Variants in G3BP1 observed in about 807,000 individuals in gnomAD.
The protein encoded by G3BP1 is G3BP stress granule assembly factor 1, also known as ras GTPase-activating protein-binding protein 1.
A neutral mutation model predicts 58.6 loss-of-function variants in G3BP1; 35 were observed. The observed-to-expected ratio is 0.60, with a 90% CI of 0.46 to 0.79. The LOEUF is 0.79. Among genes scored for constraint, G3BP1 ranks in the 30% least tolerant of loss-of-function variants. The pLI, the probability that G3BP1 is intolerant of heterozygous loss-of-function variation, is 0.00. For synonymous variants in G3BP1, 191 were observed against 195.4 expected (o/e 0.98, Z 0.19); for missense variants, 523 against 580.8 (o/e 0.90, Z 1.02).
At chr5:151,786,851 T>G in intron 2 of G3BP1, 136 bp downstream of exon 2, 1 of 613,612 alleles carries the variant, frequency 1.6e-6, no homozygotes. Context: ...TATCCCCCAA[T>G]TTTTTATTTG....
chr5:151,803,320 G>A (rs760724016), intron 11 of G3BP1, among the ~76,000 whole-genome samples: 3 of 151,572 alleles, frequency 2.0e-5, no homozygotes, highest in African/African-American at 4.9e-5. Context: ...TTATTGGGAC[G>A]GAGTCTCACT....
At position 151,804,041 on chromosome 5, in the gene G3BP1, G is replaced by A; in HGVS notation, c.1351G>A (p.Val451Met). 6.2e-7 allele frequency: 1 copy of A among 1,612,982 alleles called. No individual in the cohort carries two copies. The highest frequency in any genetic ancestry group is 8.5e-7 in the Non-Finnish European group (1 of 1,179,458). Reference sequence around the variant, plus strand: ...GAGAGGCCCTCCCCGTGGAGGCATGGTGCAGAAACCAGGATTTGGAGTGGG... The same window carrying A: ...GAGAGGCCCTCCCCGTGGAGGCATGATGCAGAAACCAGGATTTGGAGTGGG... ...GMRGPPRGGM[V>M]QKPGFGVGRG... The change falls in exon 12 of 12, where the codon GTG becomes ATG. Residue 451 changes from valine (V) to methionine (M), a missense_variant. Coordinates refer to ENST00000356245, the MANE Select transcript of G3BP1 (RefSeq NM_005754.3).
chr5:151,790,825 T>G (rs1229430152), intron 3 of G3BP1, 64 bp from the exon 4 acceptor site: 4 of 939,894 alleles, frequency 4.3e-6, no homozygotes, highest in Non-Finnish European at 6.5e-6. Context: ...TTTTTTTAGT[T>G]GGAGGTTATT....
chr5:151,807,407 G>A lies in G3BP1; in HGVS notation c.*3316G>A, dbSNP rs1041940068. Reference sequence around the variant, plus strand: ...CATAGACCGCAATGAACTTCCTACTGTAGGGAGACTTGAGTCTGGAATACA... The same window carrying A: ...CATAGACCGCAATGAACTTCCTACTATAGGGAGACTTGAGTCTGGAATACA... On this transcript the variant is annotated 3_prime_UTR_variant, in exon 12 of 12. Transcript: ENST00000356245. 2 of 152,160 alleles carry A rather than the reference G, an allele frequency of 1.3e-5. No individual in the cohort carries two copies. The highest frequency in any genetic ancestry group is 2.9e-5 in the Non-Finnish European group (2 of 68,012). 9.4% of individuals were successfully genotyped at this position (152,160 alleles called of 1,614,324 possible).
At chr5:151,777,148 T>C (rs1057339538) in intron 1 of G3BP1, among the ~76,000 whole-genome samples, 1 of 152,214 alleles carries the variant, frequency 6.6e-6, no homozygotes, top group Admixed American at 6.5e-5. Flanking sequence ...TTGATACTTT[T>C]CTTGCTCTGA....
At chr5:151,794,324 G>T in intron 5 of G3BP1, 75 bp downstream of exon 5, 1 of 785,628 alleles carries the variant, frequency 1.3e-6, no homozygotes, top group Non-Finnish European at 2.3e-6. Context: ...AGAGACTATG[G>T]GTTTCTTTAC....
chr5:151,774,477 T>G (rs1238447541), intron 1 of G3BP1, among the ~76,000 whole-genome samples: 1 of 152,066 alleles, frequency 6.6e-6, no homozygotes, highest in Admixed American at 6.5e-5. Flanking sequence ...AAGATAAAAT[T>G]TAACATAAAG....
In G3BP1 at chr5:151,810,685, G is replaced by C. The variant is rs1395281829; in HGVS notation, c.*6594G>C. The C allele has an allele frequency of 6.6e-6, 1 of 152,208 alleles. No individual in the cohort carries two copies. Among genetic ancestry groups the C allele is most frequent in the Non-Finnish European group, 1.5e-5 (1 of 68,046 alleles). The allele number at this position is 152,208 out of a possible 1,614,324, so 9.4% of individuals were successfully genotyped here. On this transcript the variant is annotated 3_prime_UTR_variant, in exon 12 of 12. Transcript: ENST00000356245. ...CAGAAGGTACAGTGACTCATAACTAGAGTCTTTAGATGAAACTTACTGAGT... is the reference window on the plus strand; with the variant it reads ...CAGAAGGTACAGTGACTCATAACTACAGTCTTTAGATGAAACTTACTGAGT...
At chr5:151,794,441 G>T (rs1762713442) in intron 5 of G3BP1, among the ~76,000 whole-genome samples, 192 bp downstream of exon 5, 1 of 152,198 alleles carries the variant, frequency 6.6e-6, no homozygotes, top group Non-Finnish European at 1.5e-5. Flanking sequence ...TATCATGGAT[G>T]TTAGTAGAAG....
Position 151,790,343 on chromosome 5 carries a change from C to A in G3BP1, c.116C>A (p.Ser39Tyr). 6.4e-7 allele frequency: 1 copy of A among 1,565,412 alleles called. No homozygotes were observed. The highest frequency in any genetic ancestry group is 8.7e-7 in the Non-Finnish European group (1 of 1,151,666). Residue 39 changes from serine (S) to tyrosine (Y), a missense_variant, in exon 3 of 12, where the codon TCT becomes TAT. Around this residue, in one of 2 missense-constraint regions of G3BP1, gnomAD observed 398 missense variants for 399.1 expected, o/e 1.00. Coordinates refer to ENST00000356245, the MANE Select transcript of G3BP1 (RefSeq NM_005754.3). ...TACAGATTTTATGGAAAGAACTCTT[C>A]TTATGTCCATGGGGGATTGGATTCA... ...MLHRFYGKNS[S>Y]YVHGGLDSNG...
chr5:151,786,397 C>A (rs957953162), intron 1 of G3BP1, among the ~76,000 whole-genome samples, 175 bp from the exon 2 acceptor site: 5 of 152,122 alleles, frequency 3.3e-5, no homozygotes, highest in Admixed American at 3.3e-4. Flanking sequence ...ATGATTTCCC[C>A]CTTTTGTATT....
chr5:151,791,410 G>C (rs1479454112), intron 4 of G3BP1: 1 of 175,532 alleles, frequency 5.7e-6, no homozygotes, highest in Non-Finnish European at 1.2e-5. Context: ...TTTTTTCCTT[G>C]TCCAACATGG....
At chr5:151,793,017 A>G (rs921240711) in intron 4 of G3BP1, among the ~76,000 whole-genome samples, 16 of 152,196 alleles carry the variant, frequency 1.1e-4, no homozygotes, top group African/African-American at 3.6e-4. Flanking sequence ...ACTGCGAGCA[A>G]TCTTTTTCAG....
chr5:151,775,416 A>C (rs780993192), intron 1 of G3BP1, among the ~76,000 whole-genome samples: 13 of 152,248 alleles, frequency 8.5e-5, no homozygotes, highest in African/African-American at 1.4e-4. Context: ...CTAAAAAGTG[A>C]ATTGGAGCTC....
At chr5:151,778,614 G>A (rs1015594739) in intron 1 of G3BP1, among the ~76,000 whole-genome samples, 3 of 151,498 alleles carry the variant, frequency 2.0e-5, no homozygotes. Context: ...GCTAATTTTT[G>A]TATTTTTAGT....
At chr5:151,775,093 C>T (rs982574084) in intron 1 of G3BP1, among the ~76,000 whole-genome samples, 1 of 152,208 alleles carries the variant, frequency 6.6e-6, no homozygotes, top group Non-Finnish European at 1.5e-5. Flanking sequence ...AAATTGCCCT[C>T]ACAGCCTGTA....
Position 151,810,068 on chromosome 5 carries a change from G to A in G3BP1, c.*5977G>A, listed in dbSNP as rs1762995588. On this transcript the variant is annotated 3_prime_UTR_variant, in exon 12 of 12. Transcript: ENST00000356245. ...CCACCTTGTATTGTTGTAACTGTAA[G>A]CTCCTAGGGGGCAGCAATTTGGTCT... 1 of 152,164 alleles carries A rather than the reference G, an allele frequency of 6.6e-6. No individual in the cohort carries two copies. Among genetic ancestry groups the A allele is most frequent in the South Asian group, 2.1e-4 (1 of 4,830 alleles). 9.4% of individuals were successfully genotyped at this position (152,164 alleles called of 1,614,324 possible).
intron 2 of G3BP1, among the ~76,000 whole-genome samples, chr5:151,788,572 A>ATATGTGTGTG (rs1554080356): frequency 8.3e-5 from 11 of 133,238 alleles, no homozygotes; most frequent in African/African-American, 3.3e-4. Context: ...CTAAGTTTAT[A>ATATGTGTGTG]TGTGTGTGTG....
chr5:151,781,504 T>C (rs914789633), intron 1 of G3BP1, among the ~76,000 whole-genome samples: 3 of 152,232 alleles, frequency 2.0e-5, no homozygotes, highest in Non-Finnish European at 4.4e-5. Context: ...GTTTTCATCA[T>C]GTTTAGTACA....
Sources: allele counts gnomAD v4.1 joint callset (sites outside exome capture counted in the v4.1 genomes callset), GRCh38; gene constraint gnomAD v4.1.1; regional missense constraint gnomAD v4.1.1; transcripts MANE v1.5; gene names NCBI Gene and HGNC (gene_info 2026-07-23, HGNC 2026-07-21).